SCMH1: variants seen among roughly 807,000 people sequenced by gnomAD.
SCMH1 encodes polycomb protein SCMH1.
SCMH1 carries 37 observed loss-of-function variants against 70.8 expected under a neutral mutation model. That is an observed-to-expected ratio of 0.52 (90% CI 0.40 to 0.69). The LOEUF is 0.69. SCMH1 is among the 30% of genes least tolerant of loss of function. SCMH1 has a pLI of 0.00. For missense variants in SCMH1, 607 were observed against 827.3 expected (o/e 0.73, Z 3.27); for synonymous variants, 292 against 307.4 (o/e 0.95, Z 0.52).
intron 1 of SCMH1, among the ~76,000 whole-genome samples, chr1:41,233,135 A>G (rs1462937776): frequency 2.6e-5 from 4 of 152,230 alleles, no homozygotes; most frequent in Non-Finnish European, 4.4e-5. Flanking sequence ...CCTTGCCTAA[A>G]TCACAGAACC....
chr1:41,095,625 C>T (rs948030291), intron 8 of SCMH1, among the ~76,000 whole-genome samples: 5 of 152,102 alleles, frequency 3.3e-5, no homozygotes, highest in Non-Finnish European at 5.9e-5. Flanking sequence ...CATTCTGATG[C>T]TATATTCTGG....
At chr1:41,198,503 A>G (rs1653563393) in intron 1 of SCMH1, among the ~76,000 whole-genome samples, 1 of 152,304 alleles carries the variant, frequency 6.6e-6, no homozygotes, top group Admixed American at 6.5e-5. Flanking sequence ...TCAGTTTTTA[A>G]AATTTGAATT....
intron 1 of SCMH1, among the ~76,000 whole-genome samples, chr1:41,190,868 A>G (rs1215371168): frequency 2.0e-5 from 3 of 152,044 alleles, no homozygotes; most frequent in African/African-American, 4.8e-5. Flanking sequence ...TACCTAAGGT[A>G]TCTTTTAAGT....
intron 2 of SCMH1, among the ~76,000 whole-genome samples, chr1:41,182,047 T>C (rs1648935296): frequency 1.3e-5 from 2 of 152,108 alleles, no homozygotes; most frequent in South Asian, 4.1e-4. Flanking sequence ...ATGTCCTTTG[T>C]AGGGACATGG....
At chr1:41,056,335 T>C (rs1284457487) in intron 10 of SCMH1, among the ~76,000 whole-genome samples, 1 of 152,266 alleles carries the variant, frequency 6.6e-6, no homozygotes, top group Non-Finnish European at 1.5e-5. Flanking sequence ...GGCGCAGAGA[T>C]GAGCTGTATT....
intron 1 of SCMH1, among the ~76,000 whole-genome samples, chr1:41,211,507 C>T (rs909901006): frequency 4.6e-5 from 7 of 152,270 alleles, no homozygotes; most frequent in African/African-American, 1.7e-4. Flanking sequence ...ATTAAAAAGA[C>T]AGGAAACAAC....
At chr1:41,158,845 G>C (rs1645785365) in intron 4 of SCMH1, among the ~76,000 whole-genome samples, 1 of 152,110 alleles carries the variant, frequency 6.6e-6, no homozygotes, top group African/African-American at 2.4e-5. Flanking sequence ...GCAGTCCCTA[G>C]AGCTTCTCTC....
chr1:41,141,650 T>C (rs974560854), intron 6 of SCMH1, among the ~76,000 whole-genome samples: 4 of 152,174 alleles, frequency 2.6e-5, no homozygotes, highest in African/African-American at 9.7e-5. Context: ...CAACAAAATA[T>C]AATTTTAGAA....
intron 8 of SCMH1, among the ~76,000 whole-genome samples, chr1:41,100,092 T>G (rs1666158761): frequency 6.6e-6 from 1 of 152,204 alleles, no homozygotes; most frequent in Non-Finnish European, 1.5e-5. Context: ...TGAATTCAGC[T>G]CTAAGGTAGG....
chr1:41,070,564 G>C, intron 10 of SCMH1, 31 bp downstream of exon 10: 1 of 1,613,688 alleles, frequency 6.2e-7, no homozygotes, highest in East Asian at 2.2e-5. Context: ...TCTGGGGCTT[G>C]TGCGCAGGTA....
chr1:41,207,746 C>T (rs924461059), intron 1 of SCMH1, among the ~76,000 whole-genome samples: 1 of 152,210 alleles, frequency 6.6e-6, no homozygotes, highest in African/African-American at 2.4e-5. Flanking sequence ...TTCTTCTCAG[C>T]ACCACATTGC....
chr1:41,047,232 C>CAGGAGA (rs1317667102), intron 11 of SCMH1, among the ~76,000 whole-genome samples: 1 of 151,954 alleles, frequency 6.6e-6, no homozygotes, highest in African/African-American at 2.4e-5. Flanking sequence ...AGTTTTGAGG[C>CAGGAGA]AGGAGAAGAA....
rs575995611 is a variant in SCMH1 at position 41,117,869 on chromosome 1, A to G, written c.413-859T>C. On this transcript the variant is annotated intron_variant, in intron 6 of 14. Coordinates refer to ENST00000337495, the Ensembl canonical transcript of SCMH1. ...TCATGGGAGACGGCTCACACTCCTT[A>G]CCCTGCCCCTTTGTCTTGTATCCAA... is the stretch of plus-strand genomic sequence containing the variant. Among the ~76,000 whole-genome samples the G allele has an allele frequency of 1.5e-4, 23 of 151,282 alleles. No individual in the cohort carries two copies. In the South Asian group the frequency reaches 4.4e-3, roughly 29 times the overall value.
intron 13 of SCMH1, 134 bp from the exon 14 acceptor site, chr1:41,034,182 C>T: frequency 7.8e-7 from 1 of 1,274,074 alleles, no homozygotes; most frequent in African/African-American, 1.6e-5. Flanking sequence ...AATCAGCGCT[C>T]AGCTCTGCCT....
chr1:41,084,975 TGTGGG>T (rs1332832618), intron 8 of SCMH1, among the ~76,000 whole-genome samples: 4 of 71,278 alleles, frequency 5.6e-5, no homozygotes, highest in African/African-American at 2.4e-4. Flanking sequence ...TGGGGACTGT[TGTGGG>T]GTGGGGGAGG....
chr1:41,143,234 A>C, intron 5 of SCMH1, 122 bp from the exon 6 acceptor site: 3 of 674,552 alleles, frequency 4.4e-6, no homozygotes, highest in Non-Finnish European at 7.6e-6. Flanking sequence ...CCTAATAATT[A>C]AGAATGGTTT....
chr1:41,231,251 T>C (rs1661244739), intron 1 of SCMH1, among the ~76,000 whole-genome samples: 1 of 152,206 alleles, frequency 6.6e-6, no homozygotes, highest in Admixed American at 6.5e-5. Context: ...TTCTGGCACA[T>C]GCATCTATCA....
intron 8 of SCMH1, among the ~76,000 whole-genome samples, chr1:41,102,173 A>ATG (rs3834018): frequency 0.087 from 13,190 of 151,494 alleles, 722 homozygotes; most frequent in South Asian, 0.15. Context: ...ATGCACACGC[A>ATG]TGTGTGTGTG....
At chr1:41,156,565 A>G (rs984088162) in intron 4 of SCMH1, among the ~76,000 whole-genome samples, 1 of 152,022 alleles carries the variant, frequency 6.6e-6, no homozygotes, top group Non-Finnish European at 1.5e-5. Flanking sequence ...CAGCCTCCCT[A>G]GTAGCTGGGA....
Sources: gnomAD v4.1 joint callset for allele counts (sites outside exome capture counted in the v4.1 genomes callset) on GRCh38, gnomAD v4.1.1 for gene constraint, MANE v1.5 for transcripts, NCBI Gene and HGNC (gene_info 2026-07-23, HGNC 2026-07-21) for gene names.